The following DYM variants were observed in gnomAD, a reference collection of about 807,000 sequenced individuals.
DYM encodes the protein dyggve-Melchior-Clausen syndrome protein.
In DYM, 78 loss-of-function variants were observed where a neutral mutation model predicts 93.1. The observed-to-expected ratio is 0.84, with a 90% CI of 0.70 to 1.01. The LOEUF (loss-of-function observed/expected upper bound fraction) is 1.01, where lower values mean the gene tolerates loss of function less well. DYM is among the 50% of genes least tolerant of loss of function. The probability of loss-of-function intolerance (pLI) is 0.00; values close to 1 mark genes in which losing one functional copy is unlikely to be tolerated. For synonymous variants in DYM, 321 were observed against 319.7 expected (o/e 1.00, Z -0.04); for missense variants, 789 against 845.0 (o/e 0.93, Z 0.82).
At chr18:49,078,837 G>C (rs993685119) in intron 17 of DYM, among the ~76,000 whole-genome samples, 2 of 152,198 alleles carry the variant, frequency 1.3e-5, no homozygotes, top group African/African-American at 4.8e-5. Context: ...CTGAAAGCCT[G>C]AGTTTCCATC....
rs985814106 is a variant in DYM at position 49,345,756 on chromosome 18, C to A, written c.495-11903G>T. On this transcript the variant is annotated intron_variant, in intron 6 of 17. Transcript: ENST00000675505. ...TTATTCAAAATTGTTAAAAAGTCAT[C>A]ATGATAAAAACAAAAATATCCTATA... is the stretch of plus-strand genomic sequence containing the variant. Among the ~76,000 whole-genome samples the A allele has an allele frequency of 5.3e-5, 8 of 152,102 alleles. No individual in the cohort carries two copies. The East Asian group carries it at 1.5e-3, about 29-fold the overall frequency.
rs745475113 is a variant in DYM, at chr18:49,430,344, C to T, written c.51G>A (p.Leu17=). 7 of 1,614,070 alleles carry T rather than the reference C, an allele frequency of 4.3e-6. No individual in the cohort carries two copies. The Admixed American group carries it at 1.2e-4, about 27-fold the overall frequency. Residue 17 remains leucine, a synonymous_variant, in exon 2 of 18, where the codon TTG becomes TTA. Coordinates refer to ENST00000675505, the MANE Select transcript of DYM (RefSeq NM_001353214.3). ...RIGDLPKNEY[L]KKLSGTESIS... Reference sequence around the variant, plus strand: ...TAGATTCCGTGCCTGATAACTTTTTCAAGTACTCATTTTTAGGAAGATCGC... The same window carrying T: ...TAGATTCCGTGCCTGATAACTTTTTTAAGTACTCATTTTTAGGAAGATCGC...
chr18:49,241,328 C>G (rs1038320865), intron 13 of DYM, among the ~76,000 whole-genome samples: 5 of 152,180 alleles, frequency 3.3e-5, no homozygotes, highest in African/African-American at 1.2e-4. Context: ...TAGGGTCAAA[C>G]TTGGATTTCA....
intron 16 of DYM, among the ~76,000 whole-genome samples, chr18:49,102,647 G>A (rs1165311580): frequency 6.6e-6 from 1 of 152,068 alleles, no homozygotes; most frequent in Non-Finnish European, 1.5e-5. Context: ...ATTCCCACCT[G>A]AGTGAGAACT....
intron 16 of DYM, among the ~76,000 whole-genome samples, chr18:49,105,146 G>A (rs2080651422): frequency 6.6e-6 from 1 of 152,004 alleles, no homozygotes; most frequent in Admixed American, 6.6e-5. Flanking sequence ...GGGAGGGTGT[G>A]TGTCCAGGAA....
chr18:49,143,983 C>T (rs991762454), intron 15 of DYM, among the ~76,000 whole-genome samples: 6 of 152,028 alleles, frequency 3.9e-5, no homozygotes, highest in African/African-American at 1.4e-4. Context: ...ATACACAATG[C>T]AATTTTCACA....
chr18:49,140,095 C>T (rs6507883), intron 15 of DYM, among the ~76,000 whole-genome samples: 151,749 of 152,282 alleles, frequency 1, 75,613 homozygotes, highest in Middle Eastern at 1. Context: ...TCTAAGTGCT[C>T]TGAACTCAAT....
intron 17 of DYM, among the ~76,000 whole-genome samples, chr18:49,062,253 T>C (rs2076041501): frequency 6.6e-6 from 1 of 152,210 alleles, no homozygotes; most frequent in African/African-American, 2.4e-5. Flanking sequence ...TTTAATCTGA[T>C]TGTCAGCCCT....
intron 8 of DYM, among the ~76,000 whole-genome samples, chr18:49,325,731 T>C (rs1201187307): frequency 2.0e-5 from 3 of 152,204 alleles, no homozygotes; most frequent in Admixed American, 6.6e-5. Context: ...CATTTAGATT[T>C]ATTTTTTTAA....
intron 3 of DYM, among the ~76,000 whole-genome samples, chr18:49,385,871 A>T (rs1440751380): frequency 6.6e-6 from 1 of 152,022 alleles, no homozygotes; most frequent in African/African-American, 2.4e-5. Context: ...GTGAGACCCT[A>T]TTCCTTAAAA....
chr18:49,248,580 T>C (rs2094218193), intron 13 of DYM, among the ~76,000 whole-genome samples: 1 of 152,066 alleles, frequency 6.6e-6, no homozygotes, highest in African/African-American at 2.4e-5. Flanking sequence ...AAGAAATAAT[T>C]TCCTGACTAC....
At chr18:49,289,778 T>TATATAA in intron 8 of DYM, among the ~76,000 whole-genome samples, 1 of 55,912 alleles carries the variant, frequency 1.8e-5, no homozygotes, top group African/African-American at 7.7e-5. Flanking sequence ...TATATACACA[T>TATATAA]ATATATATAT....
chr18:49,452,528 C>A (rs1258748193), intron 1 of DYM, among the ~76,000 whole-genome samples: 1 of 152,116 alleles, frequency 6.6e-6, no homozygotes, highest in African/African-American at 2.4e-5. Flanking sequence ...AAGTCCCCAC[C>A]AGATTAGCTA....
At chr18:49,107,861 A>T (rs1193622883) in intron 16 of DYM, among the ~76,000 whole-genome samples, 1 of 152,246 alleles carries the variant, frequency 6.6e-6, no homozygotes, top group Non-Finnish European at 1.5e-5. Flanking sequence ...TCAGGGACCC[A>T]CTTGAGAAGG....
At chr18:49,082,665 G>T (rs1414195507) in intron 17 of DYM, among the ~76,000 whole-genome samples, 2 of 152,162 alleles carry the variant, frequency 1.3e-5, no homozygotes, top group Non-Finnish European at 2.9e-5. Context: ...TTGGAGAGAG[G>T]GTTTTGGCAA....
chr18:49,166,671 G>T (rs1362604362), intron 14 of DYM, among the ~76,000 whole-genome samples: 2 of 152,056 alleles, frequency 1.3e-5, no homozygotes, highest in Non-Finnish European at 2.9e-5. Flanking sequence ...CATACAGAAG[G>T]AAATCAGTAA....
chr18:49,109,677 G>T (rs553062442), intron 16 of DYM, among the ~76,000 whole-genome samples: 1 of 152,218 alleles, frequency 6.6e-6, no homozygotes, highest in Admixed American at 6.5e-5. Context: ...TTAGGGTTAT[G>T]TGACAAGGGT....
At chr18:49,311,584 C>G (rs554418457) in intron 8 of DYM, among the ~76,000 whole-genome samples, 4 of 152,014 alleles carry the variant, frequency 2.6e-5, no homozygotes, top group South Asian at 2.1e-4. Context: ...GTAGGGACAT[C>G]GATGAAGCTG....
At chr18:49,378,507 A>T in intron 5 of DYM, 60 bp downstream of exon 5, 1 of 1,488,900 alleles carries the variant, frequency 6.7e-7, no homozygotes, top group South Asian at 1.2e-5. Context: ...TTATTCCTGA[A>T]ATTTTATCCT....
Sources: allele counts gnomAD v4.1 joint callset (sites outside exome capture counted in the v4.1 genomes callset), GRCh38; gene constraint gnomAD v4.1.1; transcripts MANE v1.5; gene names NCBI Gene and HGNC (gene_info 2026-07-23, HGNC 2026-07-21).